USP4: variants seen among roughly 807,000 people sequenced by gnomAD.
USP4 encodes the protein ubiquitin specific peptidase 4, also known as ubiquitin carboxyl-terminal hydrolase 4.
USP4 carries 72 observed loss-of-function variants against 118.2 expected under a neutral mutation model. The ratio of observed to expected loss-of-function variants is 0.61; its 90% confidence interval spans 0.50 to 0.74. The LOEUF is 0.74. Ranked by LOEUF, USP4 falls within the 30% of genes least tolerant of loss-of-function variation. USP4 has a pLI of 0.00. For missense variants in USP4, 1,037 were observed against 1,185.7 expected, an observed-to-expected ratio of 0.87 and a Z score of 1.84; for synonymous variants, 415 against 440.4, an observed-to-expected ratio of 0.94 and a Z score of 0.72.
chr3:49,284,443 CCAGA>C lies in USP4; in HGVS notation c.2390+19_2390+22del, dbSNP rs1288111887. Reference sequence around the variant, plus strand: ...GTCCTGGGGTGCATGGGGCCTCTGCCCAGACAGTGAGGAGCTGCGTACCAGGGGT... The same window carrying C: ...GTCCTGGGGTGCATGGGGCCTCTGCCCAGTGAGGAGCTGCGTACCAGGGGT... On this transcript the variant is annotated intron_variant, in intron 18 of 21. Coordinates refer to ENST00000265560, the MANE Select transcript of USP4 (RefSeq NM_003363.4). The C allele has an allele frequency of 2.5e-6, 4 of 1,599,770 alleles. No homozygotes were observed. The highest frequency in any genetic ancestry group is 1.3e-5 in the African/African-American group (1 of 74,552).
chr3:49,327,074 C>G (rs2047563347), intron 3 of USP4, among the ~76,000 whole-genome samples: 1 of 152,174 alleles, frequency 6.6e-6, no homozygotes, highest in Admixed American at 6.5e-5. Context: ...AGGACATTAG[C>G]TATATGTCCA....
chr3:49,299,688 G>A (rs73830704), intron 11 of USP4, among the ~76,000 whole-genome samples: 3,701 of 151,986 alleles, frequency 0.024, 164 homozygotes, highest in African/African-American at 0.085. Flanking sequence ...CACCGCGCCC[G>A]GCCCTCAACT....
intron 15 of USP4, among the ~76,000 whole-genome samples, chr3:49,289,067 T>C (rs2047127273): frequency 1.3e-5 from 2 of 152,044 alleles, no homozygotes; most frequent in African/African-American, 4.8e-5. Flanking sequence ...GCTGAGATTG[T>C]GCCACTGCAC....
intron 16 of USP4, among the ~76,000 whole-genome samples, chr3:49,285,635 A>G (rs946845465): frequency 1.3e-5 from 2 of 151,592 alleles, no homozygotes. Flanking sequence ...TTTTCACACA[A>G]CCCCTCAGAA....
rs1256510574 is a variant in USP4 at position 49,311,669 on chromosome 3, C to T, written c.696-15G>A. 1.9e-6 allele frequency: 3 copies of T among 1,612,704 alleles called. No individual in the cohort carries two copies. Among genetic ancestry groups the T allele is most frequent in the Non-Finnish European group, 2.5e-6 (3 of 1,179,316 alleles). On this transcript the variant is annotated splice_polypyrimidine_tract_variant and intron_variant, in intron 6 of 21. Coordinates refer to ENST00000265560, the MANE Select transcript of USP4 (RefSeq NM_003363.4). The stretch of plus-strand genomic sequence containing the variant: ...CAGTGCTTGATCTGGGAGAGAGAAG[C>T]AGAAACAATGCTACTGACTTTTTGC...
intron 6 of USP4, among the ~76,000 whole-genome samples, chr3:49,322,217 AT>A (rs905569323): frequency 3.9e-5 from 6 of 152,196 alleles, no homozygotes; most frequent in African/African-American, 1.4e-4. Flanking sequence ...CAACAGAATC[AT>A]TATGCCCTGC....
chr3:49,304,053 G>A (rs1297801260), intron 9 of USP4, among the ~76,000 whole-genome samples: 2 of 152,156 alleles, frequency 1.3e-5, no homozygotes, highest in African/African-American at 2.4e-5. Flanking sequence ...GCACCCAGCC[G>A]TTGCCACCCA....
Position 49,277,187 on chromosome 3 carries a change from C to G in USP4, c.*1106G>C. The G allele has an allele frequency of 7.3e-7, 1 of 1,369,262 alleles. No homozygotes were observed. The allele number at this position is 1,369,262 out of a possible 1,614,324, so 84.8% of individuals were successfully genotyped here. A position where few individuals can be genotyped will look rare whatever the true frequency, so the allele number is the denominator to read the frequency against. On this transcript the variant is annotated 3_prime_UTR_variant, in exon 22 of 22. Transcript: ENST00000265560. ...CGGCAGCCACGTCCTTGTCCTCACC[C>G]GCAGCGCAGTGACGCCGACCCATCC...
intron 6 of USP4, among the ~76,000 whole-genome samples, chr3:49,316,040 C>T (rs1190043026): frequency 6.6e-6 from 1 of 151,984 alleles, no homozygotes; most frequent in African/African-American, 2.4e-5. Context: ...CCCATCTCTA[C>T]TAAAAATACA....
Position 49,280,962 on chromosome 3 carries a change from C to G in USP4, c.2541-115G>C, listed in dbSNP as rs1470416034. 4.0e-6 allele frequency: 3 copies of G among 750,898 alleles called. No homozygotes were observed. The East Asian group carries it at 8.3e-5, about 21-fold the overall frequency. The allele number at this position is 750,898 out of a possible 1,614,324, so 46.5% of individuals were successfully genotyped here. A position where few individuals can be genotyped will look rare whatever the true frequency, so the allele number is the denominator to read the frequency against. ...GGCAGAACACAGGGAGGCACTCAAA[C>G]TATTCGAGAGAGACCAAGATGGAAG... On this transcript the variant is annotated intron_variant, in intron 19 of 21. Transcript: ENST00000265560.
In USP4 at chr3:49,327,827, A is replaced by T; in HGVS notation, c.230-11T>A. The T allele has an allele frequency of 6.2e-7, 1 of 1,612,076 alleles. No individual in the cohort carries two copies. Among genetic ancestry groups the T allele is most frequent in the South Asian group, 1.1e-5 (1 of 90,994 alleles). On this transcript the variant is annotated splice_polypyrimidine_tract_variant and intron_variant, in intron 2 of 21. Coordinates refer to ENST00000265560, the MANE Select transcript of USP4 (RefSeq NM_003363.4). Reference sequence around the variant, plus strand: ...TCTGACTCTCAGGATCTAAAAAAGGAAAAGAGCACATAAGTCACTGCTCTT... The same window carrying T: ...TCTGACTCTCAGGATCTAAAAAAGGTAAAGAGCACATAAGTCACTGCTCTT...
At chr3:49,327,657 C>A (rs775996968) in intron 3 of USP4, 29 bp downstream of exon 3, 80 of 1,612,870 alleles carry the variant, frequency 5.0e-5, no homozygotes, top group Non-Finnish European at 6.2e-5. Flanking sequence ...AGACAGTGAC[C>A]AGCAGGTGGG....
At chr3:49,291,628 A>T (rs191531763) in intron 15 of USP4, among the ~76,000 whole-genome samples, 75 of 151,838 alleles carry the variant, frequency 4.9e-4, no homozygotes, top group Non-Finnish European at 6.2e-4. Flanking sequence ...TTACAGCACT[A>T]GCTTGAAAGA....
chr3:49,316,183 T>C (rs2047433648), intron 6 of USP4, among the ~76,000 whole-genome samples: 1 of 151,976 alleles, frequency 6.6e-6, no homozygotes, highest in African/African-American at 2.4e-5. Context: ...GACTGGGAAA[T>C]GAGAGCGAGA....
intron 2 of USP4, among the ~76,000 whole-genome samples, chr3:49,330,577 C>T (rs2047606194): frequency 6.6e-6 from 1 of 151,810 alleles, no homozygotes. Context: ...GTGATCCGCC[C>T]ACCTTGGCCT....
In USP4 at chr3:49,277,248, C is replaced by A; in HGVS notation, c.*1045G>T. 1 of 1,306,522 alleles carries A rather than the reference C, an allele frequency of 7.7e-7. No individual in the cohort carries two copies. The highest frequency in any genetic ancestry group is 1.0e-6 in the Non-Finnish European group (1 of 1,000,118). 80.9% of individuals were successfully genotyped at this position (1,306,522 alleles called of 1,614,324 possible). ...GCATGCGCGTGCCCCGCGCAGGCCC[C>A]AAACCCCCACGGATTAGGTTGAAGG... On this transcript the variant is annotated 3_prime_UTR_variant, in exon 22 of 22. Coordinates refer to ENST00000265560, the MANE Select transcript of USP4 (RefSeq NM_003363.4).
At position 49,332,777 on chromosome 3, in the gene USP4, C is replaced by T. The variant is rs950853074; in HGVS notation, c.229+2692G>A. 3.3e-5 allele frequency among the ~76,000 whole-genome samples: 5 copies of T among 152,096 alleles called. No individual in the cohort carries two copies. The South Asian group carries it at 1.0e-3, about 32-fold the overall frequency. ...GGGCACAGTGACTCACACCTGTAATCCCAGCACTCTGGGACGTCAAGGCGG... is the reference window on the plus strand; with the variant it reads ...GGGCACAGTGACTCACACCTGTAATTCCAGCACTCTGGGACGTCAAGGCGG... On this transcript the variant is annotated intron_variant, in intron 2 of 21. Coordinates refer to ENST00000265560, the MANE Select transcript of USP4 (RefSeq NM_003363.4).
rs1470015441 is a variant in USP4, at chr3:49,298,592, C to T, written c.1556G>A (p.Cys519Tyr). 1 of 1,614,094 alleles carries T rather than the reference C, an allele frequency of 6.2e-7. No individual in the cohort carries two copies. Among genetic ancestry groups the T allele is most frequent in the Non-Finnish European group, 8.5e-7 (1 of 1,180,044 alleles). ...VPLMGAVSDL[C>Y]EALSRLSGIA... ...GCCAGACAGCCTGGAGAGAGCCTCG[C>T]ACAGGTCGGACACAGCCCCCATCAG... Residue 519 changes from cysteine to tyrosine, a missense_variant, in exon 12 of 22, where the codon TGC becomes TAC. Cys to Tyr is a radical substitution (Grantham distance 194, BLOSUM62 -2). Around this residue, in one of 3 missense-constraint regions of USP4, gnomAD observed 522 missense variants for 592.6 expected, o/e 0.88. Transcript: ENST00000265560.
intron 2 of USP4, among the ~76,000 whole-genome samples, chr3:49,330,197 A>G (rs1308258613): frequency 6.6e-6 from 1 of 151,316 alleles, no homozygotes; most frequent in African/African-American, 2.4e-5. Flanking sequence ...CAAACAAACA[A>G]ACAAAAAAAG....
Sources: allele counts gnomAD v4.1 joint callset (sites outside exome capture counted in the v4.1 genomes callset), GRCh38; gene constraint gnomAD v4.1.1; regional missense constraint gnomAD v4.1.1; transcripts MANE v1.5; gene names NCBI Gene and HGNC (gene_info 2026-07-23, HGNC 2026-07-21).